The following COL24A1 variants were observed in gnomAD, a reference collection of about 807,000 sequenced individuals.
The protein encoded by COL24A1 is collagen alpha-1(XXIV) chain.
COL24A1 carries 224 observed loss-of-function variants against 253.9 expected under a neutral mutation model. The ratio of observed to expected loss-of-function variants is 0.88; its 90% CI spans 0.79 to 0.99. The LOEUF is 0.99. COL24A1 is among the 50% of genes least tolerant of loss of function. COL24A1 has a pLI of 0.00. For missense variants in COL24A1, 2,131 were observed against 2,068.5 expected (o/e 1.03, Z -0.59); for synonymous variants, 685 against 673.7 (o/e 1.02, Z -0.26).
At chr1:85,773,207 C>T (rs1047373426) in intron 53 of COL24A1, among the ~76,000 whole-genome samples, 2 of 152,142 alleles carry the variant, frequency 1.3e-5, no homozygotes, top group African/African-American at 4.8e-5. Context: ...TCTGAGGCCT[C>T]CGTTCTGTTC....
intron 45 of COL24A1, among the ~76,000 whole-genome samples, chr1:85,818,762 T>C (rs1022246127): frequency 2.6e-5 from 4 of 152,116 alleles, no homozygotes; most frequent in African/African-American, 9.7e-5. Context: ...AAGAAGAAAA[T>C]GTGGAAAAGG....
intron 13 of COL24A1, among the ~76,000 whole-genome samples, chr1:86,032,788 A>T (rs192896466): frequency 1.3e-5 from 2 of 152,284 alleles, no homozygotes; most frequent in East Asian, 1.9e-4. Flanking sequence ...CTGAAGAAAT[A>T]TTATTATATT....
At chr1:86,121,752 A>G (rs1290920315) in intron 3 of COL24A1, among the ~76,000 whole-genome samples, 2 of 152,138 alleles carry the variant, frequency 1.3e-5, no homozygotes, top group Non-Finnish European at 2.9e-5. Flanking sequence ...GACATTTAAC[A>G]TATGCAAACT....
chr1:85,919,002 C>T (rs888497605), intron 24 of COL24A1, among the ~76,000 whole-genome samples: 2 of 152,092 alleles, frequency 1.3e-5, no homozygotes, highest in Non-Finnish European at 2.9e-5. Flanking sequence ...TCATTCTTCT[C>T]TATGTAACTT....
At chr1:85,757,301 C>G (rs1274401367) in intron 55 of COL24A1, among the ~76,000 whole-genome samples, 1 of 152,022 alleles carries the variant, frequency 6.6e-6, no homozygotes, top group African/African-American at 2.4e-5. Context: ...AATTTGTCCT[C>G]TAGGTATTCT....
chr1:85,978,628 A>G (rs1571450336), intron 20 of COL24A1, among the ~76,000 whole-genome samples: 1 of 152,316 alleles, frequency 6.6e-6, no homozygotes, highest in East Asian at 1.9e-4. Flanking sequence ...GATCAGTCCA[A>G]CATGAAAATG....
chr1:85,979,316 C>T (rs534142275), intron 20 of COL24A1, among the ~76,000 whole-genome samples: 1 of 151,868 alleles, frequency 6.6e-6, no homozygotes, highest in East Asian at 1.9e-4. Flanking sequence ...CCAAACCCAG[C>T]AGAATATAAA....
chr1:85,813,689 G>T (rs895909441), intron 47 of COL24A1, among the ~76,000 whole-genome samples: 8 of 148,600 alleles, frequency 5.4e-5, no homozygotes, highest in African/African-American at 2.0e-4. Flanking sequence ...TAGCTGGGAC[G>T]ACAGGCGCCC....
chr1:85,999,244 A>T (rs1024158444), intron 19 of COL24A1, among the ~76,000 whole-genome samples: 1 of 152,160 alleles, frequency 6.6e-6, no homozygotes, highest in South Asian at 2.1e-4. Flanking sequence ...GCTTCAGGCC[A>T]AGTACAGGGA....
At chr1:85,898,985 G>T (rs572481217) in intron 28 of COL24A1, among the ~76,000 whole-genome samples, 7 of 152,166 alleles carry the variant, frequency 4.6e-5, no homozygotes, top group South Asian at 2.1e-4. Context: ...TTCTGATGAG[G>T]GGTCATGCTT....
intron 24 of COL24A1, among the ~76,000 whole-genome samples, chr1:85,935,346 C>T (rs1291874056): frequency 6.8e-6 from 1 of 147,442 alleles, no homozygotes; most frequent in Admixed American, 6.8e-5. Flanking sequence ...TAGGAGAATA[C>T]TGTCTATTTT....
intron 53 of COL24A1, among the ~76,000 whole-genome samples, chr1:85,771,294 C>A (rs1265037890): frequency 6.6e-6 from 1 of 151,886 alleles, no homozygotes. Flanking sequence ...ATGTTCCTCT[C>A]CCTGTGTCCA....
intron 37 of COL24A1, 119 bp downstream of exon 37, chr1:85,868,400 A>C: frequency 1.6e-6 from 1 of 607,182 alleles, no homozygotes; most frequent in South Asian, 3.1e-5. Context: ...CCACAGTTTC[A>C]CATATACAAT....
At position 85,783,568 on chromosome 1, in the gene COL24A1, C is replaced by A. The variant is rs573960489; in HGVS notation, c.4222-10G>T. 5.6e-6 allele frequency: 9 copies of A among 1,611,126 alleles called. No individual in the cohort carries two copies. Among genetic ancestry groups the A allele is most frequent in the African/African-American group, 1.3e-5 (1 of 74,858 alleles). On this transcript the variant is annotated splice_polypyrimidine_tract_variant and intron_variant, in intron 50 of 59. Transcript: ENST00000370571. ...CATCCCCTTCAGGACCCTAGACATA[C>A]AATAAGAAACAAAAAGATAAAATTT...
rs1427128687 is a variant in COL24A1, at chr1:85,771,971, C to T, written c.4374+3703G>A. Among the ~76,000 whole-genome samples, 1,187 of 143,044 alleles carry T rather than the reference C, an allele frequency of 8.3e-3. 9 individuals are homozygous for T. The highest frequency in any genetic ancestry group is 0.029 in the African/African-American group (1,129 of 38,318). 93.8% of individuals were successfully genotyped at this position (143,044 alleles called of 152,430 possible). On this transcript the variant is annotated intron_variant, in intron 53 of 59. Transcript: ENST00000370571. The stretch of plus-strand genomic sequence containing the variant: ...CCCGTACCCCCACCCCACCACAGTC[C>T]CCAGAGTGTGATATTCCCCTTCCTG...
chr1:85,860,760 C>G (rs1362775477), intron 37 of COL24A1, among the ~76,000 whole-genome samples: 3 of 152,126 alleles, frequency 2.0e-5, no homozygotes, highest in Non-Finnish European at 4.4e-5. Context: ...AAGAAATAAA[C>G]AAAAAACAAT....
At chr1:86,142,516 C>A in intron 2 of COL24A1, among the ~76,000 whole-genome samples, 1 of 145,644 alleles carries the variant, frequency 6.9e-6, no homozygotes. Flanking sequence ...GAGTGAGACA[C>A]TGCCTCAAAA....
intron 24 of COL24A1, among the ~76,000 whole-genome samples, chr1:85,918,557 G>A (rs1686139000): frequency 6.6e-6 from 1 of 152,112 alleles, no homozygotes; most frequent in African/African-American, 2.4e-5. Context: ...GTTTATATCA[G>A]TGGTAAGGAA....
At chr1:86,097,822 T>A (rs1051926826) in intron 5 of COL24A1, among the ~76,000 whole-genome samples, 4 of 151,966 alleles carry the variant, frequency 2.6e-5, no homozygotes, top group African/African-American at 9.7e-5. Flanking sequence ...CTGATGACTG[T>A]AAACTGTATT....
Sources: gnomAD v4.1 joint callset for allele counts (sites outside exome capture counted in the v4.1 genomes callset) on GRCh38, gnomAD v4.1.1 for gene constraint, MANE v1.5 for transcripts, NCBI Gene and HGNC (gene_info 2026-07-23, HGNC 2026-07-21) for gene names.